COL24A1: variants seen among roughly 807,000 people sequenced by gnomAD.
The protein encoded by COL24A1 is collagen alpha-1(XXIV) chain.
In COL24A1, 224 loss-of-function variants were observed where a neutral mutation model predicts 253.9. The ratio of observed to expected loss-of-function variants is 0.88; its 90% CI spans 0.79 to 0.99. The LOEUF (loss-of-function observed/expected upper bound fraction) is 0.99. COL24A1 is among the 50% of genes least tolerant of loss of function. The pLI, the probability that COL24A1 is intolerant of heterozygous loss-of-function variation, is 0.00. For synonymous variants in COL24A1, 685 were observed against 673.7 expected (o/e 1.02, Z -0.26); for missense variants, 2,131 against 2,068.5 (o/e 1.03, Z -0.59).
chr1:86,013,489 T>C (rs1696721669), intron 19 of COL24A1, among the ~76,000 whole-genome samples: 1 of 152,200 alleles, frequency 6.6e-6, no homozygotes, highest in Admixed American at 6.5e-5. Context: ...TACAACAAAA[T>C]GTACAGAGCT....
intron 32 of COL24A1, among the ~76,000 whole-genome samples, chr1:85,885,864 G>A (rs1205899764): frequency 2.0e-5 from 3 of 152,112 alleles, no homozygotes; most frequent in Admixed American, 6.5e-5. Context: ...GCAATTTTTT[G>A]TGATAGTTTT....
At chr1:85,807,168 T>G (rs1570697922) in intron 47 of COL24A1, among the ~76,000 whole-genome samples, 1 of 152,206 alleles carries the variant, frequency 6.6e-6, no homozygotes, top group Non-Finnish European at 1.5e-5. Context: ...ATTTGAAGCC[T>G]GGACTCGATT....
At chr1:86,006,805 T>TA (rs1211686438) in intron 19 of COL24A1, among the ~76,000 whole-genome samples, 1 of 151,466 alleles carries the variant, frequency 6.6e-6, no homozygotes, top group Non-Finnish European at 1.5e-5. Flanking sequence ...AAAAAAACAT[T>TA]AAAAAAAGGC....
chr1:86,145,481 A>G (rs893351201), intron 2 of COL24A1, among the ~76,000 whole-genome samples: 5 of 150,744 alleles, frequency 3.3e-5, no homozygotes, highest in African/African-American at 1.2e-4. Flanking sequence ...TTGATGCTAC[A>G]GACATTATCT....
At chr1:85,767,018 C>T (rs1298168721) in intron 53 of COL24A1, among the ~76,000 whole-genome samples, 3 of 151,974 alleles carry the variant, frequency 2.0e-5, no homozygotes, top group Middle Eastern at 3.4e-3. Context: ...GCAGGAGAAT[C>T]GCTTGAACCT....
intron 10 of COL24A1, among the ~76,000 whole-genome samples, chr1:86,056,251 A>G (rs1480981339): frequency 6.6e-6 from 1 of 152,140 alleles, no homozygotes; most frequent in East Asian, 1.9e-4. Context: ...TTTCCTCATT[A>G]TGTGATTACT....
chr1:85,745,524 A>G lies in COL24A1; in HGVS notation c.4438-18T>C. On this transcript the variant is annotated intron_variant, in intron 55 of 59. Transcript: ENST00000370571. The stretch of plus-strand genomic sequence containing the variant: ...ATTTGCTTCTGTGTAAAACAAAACC[A>G]TTTGAGATTAGCAATAAGATCAACA... 2.5e-6 allele frequency: 4 copies of G among 1,594,042 alleles called. No individual in the cohort carries two copies. The highest frequency in any genetic ancestry group is 2.6e-6 in the Non-Finnish European group (3 of 1,168,170).
At chr1:85,810,725 G>A (rs529143994) in intron 47 of COL24A1, among the ~76,000 whole-genome samples, 2 of 152,018 alleles carry the variant, frequency 1.3e-5, no homozygotes, top group Non-Finnish European at 2.9e-5. Flanking sequence ...TCTCTTGCTT[G>A]TTACTGCTTT....
At chr1:85,755,060 G>T (rs1484782910) in intron 55 of COL24A1, among the ~76,000 whole-genome samples, 1 of 152,086 alleles carries the variant, frequency 6.6e-6, no homozygotes, top group East Asian at 1.9e-4. Flanking sequence ...CAGAGAGGAA[G>T]CTCATCATGT....
intron 7 of COL24A1, among the ~76,000 whole-genome samples, chr1:86,073,497 T>C (rs1302026629): frequency 2.0e-5 from 3 of 152,212 alleles, no homozygotes; most frequent in Non-Finnish European, 2.9e-5. Flanking sequence ...CTACGTTTGA[T>C]TGGTGTACCT....
rs188699560 is a variant in COL24A1, at chr1:85,871,428, T to C, written c.3139-2593A>G. Among the ~76,000 whole-genome samples the C allele has an allele frequency of 5.3e-5, 8 of 152,186 alleles. No individual in the cohort carries two copies. In the East Asian group the frequency reaches 1.5e-3, roughly 29 times the overall value. On this transcript the variant is annotated intron_variant, in intron 35 of 59. Coordinates refer to ENST00000370571, the MANE Select transcript of COL24A1 (RefSeq NM_152890.7). ...TTTTAGACCAATATCCCTGATGAAC[T>C]TCAGTGGAAAAATCCTTGATAAAAT...
chr1:85,925,816 G>C (rs1687125828), intron 24 of COL24A1, among the ~76,000 whole-genome samples: 1 of 152,098 alleles, frequency 6.6e-6, no homozygotes, highest in South Asian at 2.1e-4. Flanking sequence ...AGCCAAAATA[G>C]ACAAATGGGA....
chr1:85,976,579 C>T (rs1692707137), intron 20 of COL24A1, among the ~76,000 whole-genome samples: 2 of 152,090 alleles, frequency 1.3e-5, no homozygotes, highest in South Asian at 4.2e-4. Flanking sequence ...AAGACATAAA[C>T]TCTTGGGAGC....
intron 43 of COL24A1, among the ~76,000 whole-genome samples, chr1:85,833,475 G>C (rs1374468980): frequency 6.6e-6 from 1 of 152,182 alleles, no homozygotes; most frequent in East Asian, 1.9e-4. Flanking sequence ...AACAGGTGCT[G>C]GAGAGGATGT....
chr1:85,796,030 CA>C (rs1670769420), intron 47 of COL24A1, among the ~76,000 whole-genome samples: 1 of 152,080 alleles, frequency 6.6e-6, no homozygotes. Flanking sequence ...ATGTAGCATT[CA>C]TAATATTTTC....
chr1:85,915,763 C>T (rs986712567), intron 24 of COL24A1, among the ~76,000 whole-genome samples: 2 of 152,174 alleles, frequency 1.3e-5, no homozygotes, highest in African/African-American at 2.4e-5. Flanking sequence ...ATTCTCCTGC[C>T]TCAGCCTCCT....
At chr1:85,944,520 T>A (rs917105598) in intron 24 of COL24A1, among the ~76,000 whole-genome samples, 1 of 152,178 alleles carries the variant, frequency 6.6e-6, no homozygotes, top group Non-Finnish European at 1.5e-5. Flanking sequence ...TTTGATCTTA[T>A]GAGATCATAG....
At chr1:86,068,111 A>G (rs972120998) in intron 7 of COL24A1, among the ~76,000 whole-genome samples, 2 of 152,252 alleles carry the variant, frequency 1.3e-5, no homozygotes, top group South Asian at 4.1e-4. Flanking sequence ...AGCTTACGCT[A>G]TTCGTCCCCT....
At chr1:85,847,034 C>T (rs1002955820) in intron 39 of COL24A1, among the ~76,000 whole-genome samples, 5 of 152,110 alleles carry the variant, frequency 3.3e-5, no homozygotes, top group African/African-American at 1.2e-4. Flanking sequence ...AAACAGAAGA[C>T]TCAATTAGAT....
Sources: allele counts gnomAD v4.1 joint callset (sites outside exome capture counted in the v4.1 genomes callset), GRCh38; gene constraint gnomAD v4.1.1; transcripts MANE v1.5; gene names NCBI Gene and HGNC (gene_info 2026-07-23, HGNC 2026-07-21).